The following SDK1 variants were observed in gnomAD, a reference collection of about 807,000 sequenced individuals.
The protein encoded by SDK1 is sidekick cell adhesion molecule 1, also known as protein sidekick-1.
Under a neutral mutation model 245.5 loss-of-function variants are expected in SDK1, and 157 were observed. The observed-to-expected ratio is 0.64, with a 90% CI of 0.56 to 0.73. SDK1 has a LOEUF of 0.73. Ranked by LOEUF, SDK1 falls within the 30% of genes least tolerant of loss-of-function variation. The pLI is 0.00. For synonymous variants in SDK1, 1,647 were observed against 1,278.5 expected (o/e 1.29, Z -6.15); for missense variants, 3,583 against 3,002.3 (o/e 1.19, Z -4.52).
chr7:3,771,979 C>T (rs917120853), intron 4 of SDK1, among the ~76,000 whole-genome samples: 10 of 152,244 alleles, frequency 6.6e-5, no homozygotes, highest in African/African-American at 9.6e-5. Context: ...TTGTCTACTC[C>T]GTGTACTTCA....
At chr7:3,533,221 A>T (rs1167169331) in intron 1 of SDK1, among the ~76,000 whole-genome samples, 1 of 152,192 alleles carries the variant, frequency 6.6e-6, no homozygotes, top group Admixed American at 6.5e-5. Context: ...CACTCCTGAT[A>T]AGACTCTGAT....
At chr7:3,407,676 T>C (rs778733517) in intron 1 of SDK1, among the ~76,000 whole-genome samples, 5 of 152,236 alleles carry the variant, frequency 3.3e-5, no homozygotes, top group African/African-American at 4.8e-5. Context: ...AGCTGGATAC[T>C]ATAAATTGAA....
intron 1 of SDK1, among the ~76,000 whole-genome samples, chr7:3,580,360 G>C (rs992248561): frequency 2.0e-5 from 3 of 152,162 alleles, no homozygotes; most frequent in African/African-American, 7.2e-5. Context: ...AAAGAGCAAA[G>C]CTGGAGGCAT....
chr7:3,355,596 C>T (rs1345861281), intron 1 of SDK1, among the ~76,000 whole-genome samples: 1 of 152,168 alleles, frequency 6.6e-6, no homozygotes, highest in Non-Finnish European at 1.5e-5. Flanking sequence ...TCCCCTGTTC[C>T]CTCCATCTTC....
chr7:3,317,946 T>C (rs1296257420), intron 1 of SDK1, among the ~76,000 whole-genome samples: 2 of 152,204 alleles, frequency 1.3e-5, no homozygotes, highest in Non-Finnish European at 2.9e-5. Context: ...ATTCATACCA[T>C]ATCAAAATGT....
At chr7:3,632,045 A>G (rs1270496453) in intron 2 of SDK1, among the ~76,000 whole-genome samples, 1 of 152,220 alleles carries the variant, frequency 6.6e-6, no homozygotes, top group Non-Finnish European at 1.5e-5. Flanking sequence ...TTTTATGTTC[A>G]TAGAGAACCT....
intron 38 of SDK1, among the ~76,000 whole-genome samples, chr7:4,213,998 C>T (rs574391334): frequency 6.6e-6 from 1 of 152,212 alleles, no homozygotes; most frequent in East Asian, 1.9e-4. Context: ...GTGCTCAGCA[C>T]TTAACATCCG....
At chr7:3,550,533 AGT>A in intron 1 of SDK1, among the ~76,000 whole-genome samples, 1 of 152,250 alleles carries the variant, frequency 6.6e-6, no homozygotes, top group East Asian at 1.9e-4. Flanking sequence ...GACTGTCTGC[AGT>A]GTGTGCCGTG....
chr7:4,000,758 C>G lies in SDK1; in HGVS notation c.2132-10208C>G, dbSNP rs534587574. On this transcript the variant is annotated intron_variant, in intron 14 of 44. Coordinates refer to ENST00000404826, the MANE Select transcript of SDK1 (RefSeq NM_152744.4). ...TACTGTCTTTGAAACACACCTCACA[C>G]AGGCGTTTTCTAATGGCCTCGGACT... Among the ~76,000 whole-genome samples the G allele has an allele frequency of 5.3e-5, 8 of 152,358 alleles. No homozygotes were observed. The South Asian group carries it at 8.3e-4, about 16-fold the overall frequency.
intron 4 of SDK1, among the ~76,000 whole-genome samples, chr7:3,722,861 T>C (rs1259321863): frequency 6.6e-6 from 1 of 152,092 alleles, no homozygotes; most frequent in Non-Finnish European, 1.5e-5. Flanking sequence ...CTCCTGGCCA[T>C]TCCCCCTCCT....
intron 1 of SDK1, among the ~76,000 whole-genome samples, chr7:3,318,129 C>T (rs1466467947): frequency 1.3e-5 from 2 of 152,202 alleles, no homozygotes; most frequent in Admixed American, 6.5e-5. Flanking sequence ...ATACTCTTAG[C>T]TTGGAGGCTA....
At chr7:3,352,591 C>G (rs1374938234) in intron 1 of SDK1, among the ~76,000 whole-genome samples, 1 of 152,224 alleles carries the variant, frequency 6.6e-6, no homozygotes, top group East Asian at 1.9e-4. Context: ...GAGGCTCAGA[C>G]AAGCTGAAGT....
chr7:3,510,562 T>C (rs531036487), intron 1 of SDK1, among the ~76,000 whole-genome samples: 7 of 152,238 alleles, frequency 4.6e-5, no homozygotes, highest in Middle Eastern at 3.4e-3. Context: ...GAAACTTCTG[T>C]GCACTTTTGA....
intron 4 of SDK1, among the ~76,000 whole-genome samples, chr7:3,772,689 C>T (rs1311470157): frequency 6.6e-6 from 1 of 152,140 alleles, no homozygotes; most frequent in Non-Finnish European, 1.5e-5. Context: ...CATACAGCTC[C>T]AAGTTACTAT....
chr7:3,695,641 T>C (rs1404495061), intron 4 of SDK1, among the ~76,000 whole-genome samples: 1 of 152,208 alleles, frequency 6.6e-6, no homozygotes, highest in African/African-American at 2.4e-5. Context: ...CTATAAAACA[T>C]GGAGAATTAC....
intron 32 of SDK1, among the ~76,000 whole-genome samples, chr7:4,171,932 C>T (rs542391457): frequency 1.2e-4 from 19 of 152,262 alleles, no homozygotes; most frequent in Admixed American, 5.2e-4. Context: ...GGGACTCAGA[C>T]GCGCCCCCAC....
intron 5 of SDK1, among the ~76,000 whole-genome samples, chr7:3,848,630 C>T (rs1780339938): frequency 2.0e-5 from 3 of 151,918 alleles, no homozygotes; most frequent in Admixed American, 1.3e-4. Flanking sequence ...CATAGAAGAC[C>T]ACCACCCAGG....
At chr7:3,646,963 G>C (rs6958708) in intron 4 of SDK1, among the ~76,000 whole-genome samples, 5,606 of 152,286 alleles carry the variant, frequency 0.037, 310 homozygotes, top group African/African-American at 0.12. Flanking sequence ...AGGAGGGAGT[G>C]GGGAGTTATG....
chr7:3,821,663 T>G, intron 5 of SDK1, 80 bp downstream of exon 5: 1 of 1,484,602 alleles, frequency 6.7e-7, no homozygotes, highest in Non-Finnish European at 9.2e-7. Flanking sequence ...TGACAGGACA[T>G]TTTGCAATAA....
Sources: allele counts gnomAD v4.1 joint callset (sites outside exome capture counted in the v4.1 genomes callset), GRCh38; gene constraint gnomAD v4.1.1; transcripts MANE v1.5; gene names NCBI Gene and HGNC (gene_info 2026-07-23, HGNC 2026-07-21).